XKR9: variants seen among roughly 807,000 people sequenced by gnomAD.
XKR9 encodes XK related 9, also known as XK-related protein 9.
In XKR9, 32 loss-of-function variants were observed where a neutral mutation model predicts 32.0. That is an observed-to-expected ratio of 1.00 (90% CI 0.76 to 1.34). XKR9 has a LOEUF of 1.34. Among genes scored for constraint, XKR9 ranks in the 40% most tolerant of loss-of-function variants. XKR9 has a pLI of 0.00. For synonymous variants in XKR9, 168 were observed against 143.4 expected, an observed-to-expected ratio of 1.17 and a Z score of -1.22; for missense variants, 546 against 429.7, an observed-to-expected ratio of 1.27 and a Z score of -2.39.
the XKR9 span, among the ~76,000 whole-genome samples, chr8:70,906,595 A>G: frequency 6.6e-6 from 1 of 152,248 alleles, no homozygotes; most frequent in Non-Finnish European, 1.5e-5. Flanking sequence ...AATGTTGGCC[A>G]TAATGCCATT....
chr8:70,784,720 A>G (rs1331502372), intron 2 of XKR9, among the ~76,000 whole-genome samples: 1 of 152,038 alleles, frequency 6.6e-6, no homozygotes, highest in Non-Finnish European at 1.5e-5. Context: ...CCTGGCAACC[A>G]CTTGCAATAC....
chr8:70,940,583 T>A, the XKR9 span, among the ~76,000 whole-genome samples: 1 of 152,072 alleles, frequency 6.6e-6, no homozygotes, highest in African/African-American at 2.4e-5. Context: ...AGATAATAAA[T>A]GCTGGTTTTA....
At chr8:70,915,732 T>C in the XKR9 span, among the ~76,000 whole-genome samples, 1 of 152,160 alleles carries the variant, frequency 6.6e-6, no homozygotes. Context: ...AACTAAAATA[T>C]TACACTCCAA....
At chr8:71,056,459 G>A in the XKR9 span, among the ~76,000 whole-genome samples, 2 of 152,300 alleles carry the variant, frequency 1.3e-5, no homozygotes, top group East Asian at 3.9e-4. Flanking sequence ...AGTATTTATA[G>A]TTTGAAATTT....
intron 4 of XKR9, among the ~76,000 whole-genome samples, chr8:70,729,925 T>C (rs1161929658): frequency 6.6e-6 from 1 of 152,188 alleles, no homozygotes; most frequent in African/African-American, 2.4e-5. Flanking sequence ...AAGGATTAAT[T>C]AGGTCAGAAA....
At chr8:70,956,763 G>T in the XKR9 span, among the ~76,000 whole-genome samples, 2 of 152,178 alleles carry the variant, frequency 1.3e-5, no homozygotes, top group South Asian at 4.1e-4. Flanking sequence ...ACAGCACCCA[G>T]GTTTGGCCAT....
the XKR9 span, among the ~76,000 whole-genome samples, chr8:71,058,428 G>A: frequency 6.6e-6 from 1 of 152,150 alleles, no homozygotes; most frequent in Non-Finnish European, 1.5e-5. Context: ...AGATCATGGA[G>A]ATTAATCCTC....
chr8:70,690,649 A>G (rs1265216306), intron 3 of XKR9, among the ~76,000 whole-genome samples: 1 of 152,004 alleles, frequency 6.6e-6, no homozygotes, highest in Non-Finnish European at 1.5e-5. Context: ...GTGCCTGGCC[A>G]GCTCCCACTT....
intron 3 of XKR9, among the ~76,000 whole-genome samples, chr8:70,685,477 G>C (rs905083995): frequency 6.7e-4 from 85 of 127,750 alleles, no homozygotes; most frequent in Non-Finnish European, 1.2e-3. Context: ...CACATGTACC[G>C]TAAAACTTAA....
At chr8:70,904,775 T>A in the XKR9 span, among the ~76,000 whole-genome samples, 1 of 152,240 alleles carries the variant, frequency 6.6e-6, no homozygotes, top group Admixed American at 6.5e-5. Context: ...TTCCTTTCCA[T>A]GTTTAGTGCT....
chr8:70,829,689 C>A, the XKR9 span, among the ~76,000 whole-genome samples: 3 of 152,150 alleles, frequency 2.0e-5, no homozygotes, highest in African/African-American at 4.8e-5. Flanking sequence ...ACCTCGTGAT[C>A]CTCCTCCCTC....
downstream of XKR9, chr8:70,735,988 A>G (rs1397703553): frequency 6.6e-6 from 1 of 152,108 alleles, no homozygotes; most frequent in East Asian, 1.9e-4. Flanking sequence ...CAGTAATGGG[A>G]TGGCTGGGTC....
the XKR9 span, among the ~76,000 whole-genome samples, chr8:70,817,459 G>T: frequency 6.6e-6 from 1 of 152,114 alleles, no homozygotes; most frequent in Admixed American, 6.5e-5. Flanking sequence ...ACAAAACACT[G>T]CTGAAAGAAA....
chr8:71,033,697 G>A, the XKR9 span, among the ~76,000 whole-genome samples: 1 of 152,196 alleles, frequency 6.6e-6, no homozygotes. Context: ...GACTTCATCA[G>A]TTTCTCTCTC....
the XKR9 span, among the ~76,000 whole-genome samples, chr8:70,969,710 A>T: frequency 6.0e-4 from 92 of 152,310 alleles, no homozygotes; most frequent in African/African-American, 2.2e-3. Flanking sequence ...TGAATTTTCT[A>T]GGCAGATTTG....
downstream of XKR9, among the ~76,000 whole-genome samples, chr8:70,738,539 C>T (rs2130153646): frequency 6.6e-6 from 1 of 150,610 alleles, no homozygotes; most frequent in East Asian, 1.9e-4. Flanking sequence ...CCTTGCTTTT[C>T]TAGTTCTTTT....
the XKR9 span, among the ~76,000 whole-genome samples, chr8:70,853,901 C>G: frequency 6.6e-6 from 1 of 152,162 alleles, no homozygotes; most frequent in African/African-American, 2.4e-5. Context: ...TGTATATGTG[C>G]CACATTTTCT....
At chr8:70,825,966 C>T in the XKR9 span, among the ~76,000 whole-genome samples, 2 of 151,916 alleles carry the variant, frequency 1.3e-5, no homozygotes, top group Non-Finnish European at 2.9e-5. Flanking sequence ...TCATGTAATA[C>T]ATATATTTAT....
At chr8:70,969,772 G>A in the XKR9 span, among the ~76,000 whole-genome samples, 1 of 152,080 alleles carries the variant, frequency 6.6e-6, no homozygotes, top group Non-Finnish European at 1.5e-5. Context: ...ATTCCAATAG[G>A]TTTTTGAGGG....
Sources: allele counts gnomAD v4.1 joint callset (sites outside exome capture counted in the v4.1 genomes callset), GRCh38; gene constraint gnomAD v4.1.1; transcripts MANE v1.5; gene names NCBI Gene and HGNC (gene_info 2026-07-23, HGNC 2026-07-21).